Variants in ZRANB3 observed in about 807,000 individuals in gnomAD.
The protein encoded by ZRANB3 is zinc finger RANBP2-type containing 3, also known as DNA annealing helicase and endonuclease ZRANB3.
A neutral mutation model predicts 133.8 loss-of-function variants in ZRANB3; 125 were observed. The ratio of observed to expected loss-of-function variants is 0.93; its 90% confidence interval spans 0.81 to 1.08. The LOEUF (loss-of-function observed/expected upper bound fraction) is 1.08. Among genes scored for constraint, ZRANB3 ranks in the 50% least tolerant of loss-of-function variants. ZRANB3 has a pLI of 0.00. For missense variants in ZRANB3, 1,229 were observed against 1,275.5 expected, an observed-to-expected ratio of 0.96 and a Z score of 0.56; for synonymous variants, 387 against 432.7, an observed-to-expected ratio of 0.89 and a Z score of 1.31.
At chr2:135,221,457 G>A (rs563154580) in intron 15 of ZRANB3, among the ~76,000 whole-genome samples, 2 of 152,296 alleles carry the variant, frequency 1.3e-5, no homozygotes, top group African/African-American at 4.8e-5. Context: ...CCCTCTACCA[G>A]GAGCTTGCAG....
At chr2:135,211,339 G>A (rs542038660) in intron 17 of ZRANB3, among the ~76,000 whole-genome samples, 4 of 151,986 alleles carry the variant, frequency 2.6e-5, no homozygotes, top group African/African-American at 7.2e-5. Flanking sequence ...TCAGAAGTTC[G>A]AGACCAGACT....
At chr2:135,507,340 T>C (rs1212391708) in intron 1 of ZRANB3, among the ~76,000 whole-genome samples, 2 of 152,110 alleles carry the variant, frequency 1.3e-5, no homozygotes, top group African/African-American at 4.8e-5. Flanking sequence ...GAAGTTCCTA[T>C]AGGGAGAGAT....
intron 2 of ZRANB3, among the ~76,000 whole-genome samples, chr2:135,444,373 C>A (rs1265010535): frequency 6.6e-6 from 1 of 152,080 alleles, no homozygotes. Flanking sequence ...ATACAAATCT[C>A]CATCAATTAG....
At chr2:135,255,832 G>A (rs992253349) in intron 12 of ZRANB3, among the ~76,000 whole-genome samples, 1 of 151,812 alleles carries the variant, frequency 6.6e-6, no homozygotes, top group Non-Finnish European at 1.5e-5. Flanking sequence ...AATAGAGTGA[G>A]AGTCTGTCTC....
At chr2:135,507,986 G>A (rs914765738) in intron 1 of ZRANB3, among the ~76,000 whole-genome samples, 1 of 147,020 alleles carries the variant, frequency 6.8e-6, no homozygotes, top group Non-Finnish European at 1.5e-5. Flanking sequence ...AAGAGAGAGA[G>A]AGAATAACAA....
chr2:135,288,012 GT>G (rs1681470973), intron 8 of ZRANB3, among the ~76,000 whole-genome samples: 2 of 152,078 alleles, frequency 1.3e-5, no homozygotes, highest in Non-Finnish European at 1.5e-5. Flanking sequence ...CCTTGTTCCA[GT>G]TCTCAGGGGG....
intron 11 of ZRANB3, among the ~76,000 whole-genome samples, chr2:135,267,046 G>A (rs538328061): frequency 1.2e-4 from 19 of 152,190 alleles, no homozygotes; most frequent in African/African-American, 4.6e-4. Context: ...GAATCTCCTG[G>A]GGCTGTGTCA....
intron 15 of ZRANB3, among the ~76,000 whole-genome samples, chr2:135,222,508 T>G (rs549874224): frequency 8.7e-4 from 133 of 152,180 alleles, no homozygotes; most frequent in African/African-American, 3.1e-3. Flanking sequence ...CAGAAAGTCA[T>G]AAGTGTTTTC....
chr2:135,234,385 C>A (rs572057175), intron 12 of ZRANB3, among the ~76,000 whole-genome samples: 1 of 152,114 alleles, frequency 6.6e-6, no homozygotes, highest in Non-Finnish European at 1.5e-5. Context: ...GACAGATCTA[C>A]GAGACAGAAA....
intron 2 of ZRANB3, among the ~76,000 whole-genome samples, chr2:135,496,338 G>T (rs530905251): frequency 1.0e-4 from 15 of 143,198 alleles, no homozygotes; most frequent in African/African-American, 3.7e-4. Flanking sequence ...GAGCCAAGAT[G>T]GCACCACTGT....
At chr2:135,291,260 G>A (rs1361613359) in intron 8 of ZRANB3, among the ~76,000 whole-genome samples, 1 of 152,086 alleles carries the variant, frequency 6.6e-6, no homozygotes, top group Non-Finnish European at 1.5e-5. Flanking sequence ...TTGGCTCAAG[G>A]CAACCTCTGC....
At chr2:135,213,982 C>T (rs1019500895) in intron 17 of ZRANB3, among the ~76,000 whole-genome samples, 19 of 152,038 alleles carry the variant, frequency 1.2e-4, no homozygotes, top group African/African-American at 4.6e-4. Context: ...GTCCAGCCGA[C>T]AGCCAGCAAA....
chr2:135,281,301 C>A (rs1273709678), intron 8 of ZRANB3, among the ~76,000 whole-genome samples: 2 of 152,048 alleles, frequency 1.3e-5, no homozygotes, highest in African/African-American at 2.4e-5. Context: ...GTCCTCAGAA[C>A]CCAATCAAAT....
chr2:135,506,622 C>T (rs1435037179), intron 1 of ZRANB3, among the ~76,000 whole-genome samples: 4 of 152,164 alleles, frequency 2.6e-5, no homozygotes, highest in Non-Finnish European at 5.9e-5. Flanking sequence ...AGCCATGTTT[C>T]ACGGGCTCAA....
chr2:135,306,364 T>C (rs1295728452), intron 8 of ZRANB3, among the ~76,000 whole-genome samples: 2 of 150,526 alleles, frequency 1.3e-5, no homozygotes, highest in South Asian at 2.1e-4. Flanking sequence ...CTTGGCTCAC[T>C]GCAAGCTCCG....
intron 8 of ZRANB3, among the ~76,000 whole-genome samples, chr2:135,285,502 G>A (rs962991878): frequency 6.6e-6 from 1 of 152,174 alleles, no homozygotes. Flanking sequence ...GAATATTGCA[G>A]TGGCCTCATT....
At chr2:135,368,485 CTAA>C (rs1475063015) in intron 3 of ZRANB3, among the ~76,000 whole-genome samples, 1 of 151,414 alleles carries the variant, frequency 6.6e-6, no homozygotes, top group Non-Finnish European at 1.5e-5. Flanking sequence ...ATGTCATAAA[CTAA>C]TAAGTTAAAA....
intron 6 of ZRANB3, among the ~76,000 whole-genome samples, chr2:135,340,793 T>A (rs2104859749): frequency 7.2e-6 from 1 of 139,550 alleles, no homozygotes; most frequent in East Asian, 1.9e-4. Context: ...GAGGTGGAGG[T>A]TGCAATGAGC....
At chr2:135,316,967 GA>G (rs36092486) in intron 6 of ZRANB3, among the ~76,000 whole-genome samples, 5,625 of 97,980 alleles carry the variant, frequency 0.057, 251 homozygotes, top group African/African-American at 0.13. Flanking sequence ...TCCGTCTCGA[GA>G]AAAAAAAAAA....
Sources: gnomAD v4.1 joint callset for allele counts (sites outside exome capture counted in the v4.1 genomes callset) on GRCh38, gnomAD v4.1.1 for gene constraint, MANE v1.5 for transcripts, NCBI Gene and HGNC (gene_info 2026-07-23, HGNC 2026-07-21) for gene names.